PATL1: variants seen among roughly 807,000 people sequenced by gnomAD.
The protein encoded by PATL1 is PAT1 homolog 1, processing body mRNA decay factor.
A neutral mutation model predicts 100.6 loss-of-function variants in PATL1; 32 were observed. The observed-to-expected ratio is 0.32, with a 90% CI of 0.24 to 0.43. The LOEUF is 0.43. PATL1 is among the 20% of genes least tolerant of loss of function. PATL1 has a pLI of 1.00. For synonymous variants in PATL1, 332 were observed against 330.0 expected (o/e 1.01, Z -0.07); for missense variants, 747 against 949.9 (o/e 0.79, Z 2.81).
chr11:59,653,754 G>A (rs1483842681), intron 9 of PATL1, among the ~76,000 whole-genome samples: 2 of 152,040 alleles, frequency 1.3e-5, no homozygotes, highest in Non-Finnish European at 2.9e-5. Context: ...ATATTACACA[G>A]TATTATTCCG....
intron 15 of PATL1, among the ~76,000 whole-genome samples, chr11:59,644,504 T>A (rs942831206): frequency 6.6e-6 from 1 of 152,086 alleles, no homozygotes; most frequent in African/African-American, 2.4e-5. Flanking sequence ...GTAAGGTTTT[T>A]AAAATCTCTC....
At chr11:59,666,721 A>G in intron 2 of PATL1, 132 bp downstream of exon 2, 2 of 965,694 alleles carry the variant, frequency 2.1e-6, no homozygotes, top group South Asian at 3.7e-5. Context: ...CTATTCTAAG[A>G]TGAGGAATAG....
chr11:59,648,004 T>C, intron 14 of PATL1, 91 bp from the exon 15 acceptor site: 1 of 1,118,680 alleles, frequency 8.9e-7, no homozygotes, highest in Non-Finnish European at 1.3e-6. Context: ...ATGAATATAC[T>C]GCATTCATTT....
intron 2 of PATL1, among the ~76,000 whole-genome samples, chr11:59,666,168 C>T (rs1023105084): frequency 2.6e-5 from 4 of 152,098 alleles, no homozygotes; most frequent in African/African-American, 9.7e-5. Flanking sequence ...ACTGTTTGAA[C>T]TCAGGAGGCG....
chr11:59,647,997 A>G (rs889676422), intron 14 of PATL1, 84 bp from the exon 15 acceptor site: 2 of 1,173,142 alleles, frequency 1.7e-6, no homozygotes, highest in Admixed American at 2.6e-5. Flanking sequence ...TTACTGAATG[A>G]ATATACTGCA....
In PATL1 at chr11:59,656,856, G is replaced by A. The variant is rs370013127; in HGVS notation, c.622-256C>T. On this transcript the variant is annotated intron_variant, in intron 5 of 18. Transcript: ENST00000300146. ...CCACCCTTCCATGCTGTCTGAGGGA[G>A]ATACCAGCAGATATTCTGACTTGCA... Among the ~76,000 whole-genome samples, 3 of 152,206 alleles carry A rather than the reference G, an allele frequency of 2.0e-5. No homozygotes were observed. In the East Asian group the frequency reaches 5.8e-4, roughly 29 times the overall value.
chr11:59,655,887 G>A (rs1387281635), intron 7 of PATL1, 69 bp downstream of exon 7: 2 of 1,369,414 alleles, frequency 1.5e-6, no homozygotes, highest in Non-Finnish European at 1.0e-6. Flanking sequence ...GCAAAAAAAG[G>A]GGCTATTATC....
Position 59,649,616 on chromosome 11 carries a change from A to T in PATL1, c.1585-6T>A, listed in dbSNP as rs765760042. On this transcript the variant is annotated splice_polypyrimidine_tract_variant and splice_region_variant and intron_variant, in intron 13 of 18. Transcript: ENST00000300146. ...TCAAGGAGTAAGCTGTAGGTCTAAG[A>T]AGGGAGACAAAAGCAGGCCACAGCA... The T allele has an allele frequency of 3.1e-6, 5 of 1,610,726 alleles. No homozygotes were observed. In the African/African-American group the frequency reaches 5.3e-5, roughly 17 times the overall value.
intron 2 of PATL1, among the ~76,000 whole-genome samples, chr11:59,664,953 C>T (rs1199539795): frequency 6.6e-6 from 1 of 152,190 alleles, no homozygotes; most frequent in Non-Finnish European, 1.5e-5. Context: ...TGTAATTCCA[C>T]TCTACATCTC....
chr11:59,668,445 G>C lies in PATL1; in HGVS notation c.15+436C>G, dbSNP rs75503950. Among the ~76,000 whole-genome samples the C allele has an allele frequency of 5.2e-3, 787 of 152,284 alleles. 4 individuals are homozygous for C. Among genetic ancestry groups the C allele is most frequent in the African/African-American group, 0.018 (743 of 41,564 alleles). The stretch of plus-strand genomic sequence containing the variant: ...TGAAGGTAGCCTGTGTGAATGGGAT[G>C]TGTGTCAGTGTAATTCGAGTGGAGG... On this transcript the variant is annotated intron_variant, in intron 1 of 18. Coordinates refer to ENST00000300146, the MANE Select transcript of PATL1 (RefSeq NM_152716.3).
At chr11:59,655,431 G>C (rs1861513681) in intron 8 of PATL1, 92 bp downstream of exon 8, 4 of 1,158,724 alleles carry the variant, frequency 3.5e-6, no homozygotes. Context: ...AAAATTTATA[G>C]TTAGCAAATA....
intron 2 of PATL1, among the ~76,000 whole-genome samples, chr11:59,664,435 T>C (rs1430090216): frequency 6.6e-6 from 1 of 152,222 alleles, no homozygotes; most frequent in Non-Finnish European, 1.5e-5. Flanking sequence ...TTAATGTCTA[T>C]AAATCAATTC....
intron 8 of PATL1, 92 bp downstream of exon 8, chr11:59,655,431 G>GTT: frequency 8.6e-7 from 1 of 1,158,842 alleles, no homozygotes; most frequent in Non-Finnish European, 1.2e-6. Context: ...AAAATTTATA[G>GTT]TTAGCAAATA....
rs745662061 is a variant in PATL1 at position 59,666,955 on chromosome 11, C to A, written c.25G>T (p.Asp9Tyr). The A allele has an allele frequency of 4.3e-5, 67 of 1,542,018 alleles. No individual in the cohort carries two copies. The highest frequency in any genetic ancestry group is 5.7e-5 in the Non-Finnish European group (65 of 1,144,504). The change falls in exon 2 of 19, where the codon GAT (aspartate) becomes TAT (tyrosine). Residue 9 changes from aspartate to tyrosine, a missense_variant. By Grantham distance (160) the Asp-to-Tyr change is radical. Transcript: ENST00000300146. ...TCTTCATCTTCATCCAGAGGACAAT[C>A]CTCCAAAGACTAAAAAAAAAGAAAA... is the stretch of plus-strand genomic sequence containing the variant. MFRYESLE[D>Y]CPLDEDEDAF...
chr11:59,661,093 A>G (rs1414799342), intron 2 of PATL1, among the ~76,000 whole-genome samples: 1 of 151,796 alleles, frequency 6.6e-6, no homozygotes, highest in Non-Finnish European at 1.5e-5. Flanking sequence ...CAGTATTTTT[A>G]TTTTTATTTT....
intron 2 of PATL1, 28 bp downstream of exon 2, chr11:59,666,825 G>T (rs1861697225): frequency 6.5e-7 from 1 of 1,543,644 alleles, no homozygotes; most frequent in Non-Finnish European, 8.7e-7. Flanking sequence ...AGGCTAAGAT[G>T]ATATTATAAG....
chr11:59,641,217 G>T (rs944850164), intron 16 of PATL1, among the ~76,000 whole-genome samples: 4 of 152,052 alleles, frequency 2.6e-5, no homozygotes, highest in Non-Finnish European at 5.9e-5. Context: ...CTACTCAAGA[G>T]GCTGAGGTGG....
intron 9 of PATL1, among the ~76,000 whole-genome samples, chr11:59,653,620 T>C (rs1861478727): frequency 6.6e-6 from 1 of 152,202 alleles, no homozygotes; most frequent in African/African-American, 2.4e-5. Flanking sequence ...GGCCCTGTTG[T>C]ACCCCTCTAG....
chr11:59,664,999 T>C (rs950865694), intron 2 of PATL1, among the ~76,000 whole-genome samples: 4 of 152,232 alleles, frequency 2.6e-5, no homozygotes, highest in Non-Finnish European at 5.9e-5. Context: ...GATAATAGCA[T>C]CTTGGATCAT....
Sources: gnomAD v4.1 joint callset for allele counts (sites outside exome capture counted in the v4.1 genomes callset) on GRCh38, gnomAD v4.1.1 for gene constraint, MANE v1.5 for transcripts, NCBI Gene and HGNC (gene_info 2026-07-23, HGNC 2026-07-21) for gene names.